The following MKLN1 variants were observed in gnomAD, a reference collection of about 807,000 sequenced individuals.
The protein encoded by MKLN1 is muskelin 1.
A neutral mutation model predicts 99.0 loss-of-function variants in MKLN1; 18 were observed. The ratio of observed to expected loss-of-function variants is 0.18; its 90% CI spans 0.13 to 0.27. The LOEUF (loss-of-function observed/expected upper bound fraction) is 0.27. Ranked by LOEUF, MKLN1 falls within the 10% of genes least tolerant of loss-of-function variation. MKLN1 has a pLI of 1.00. For missense variants in MKLN1, 621 were observed against 875.9 expected, an observed-to-expected ratio of 0.71 and a Z score of 3.67; for synonymous variants, 288 against 293.2, an observed-to-expected ratio of 0.98 and a Z score of 0.18.
At chr7:131,208,217 G>A (rs567492542) in intron 3 of MKLN1, among the ~76,000 whole-genome samples, 1 of 152,348 alleles carries the variant, frequency 6.6e-6, no homozygotes, top group African/African-American at 2.4e-5. Context: ...TAGGGTGGAA[G>A]ATGTTAATGT....
intron 3 of MKLN1, among the ~76,000 whole-genome samples, chr7:131,290,862 G>A (rs973493092): frequency 4.6e-5 from 7 of 152,080 alleles, no homozygotes; most frequent in African/African-American, 1.2e-4. Flanking sequence ...GTAGCACTGC[G>A]ATTTATCCAA....
chr7:131,300,815 T>A (rs1798367426), intron 3 of MKLN1, among the ~76,000 whole-genome samples: 1 of 152,198 alleles, frequency 6.6e-6, no homozygotes, highest in Admixed American at 6.5e-5. Context: ...CATAACTCTG[T>A]AGGTATTCAA....
intron 3 of MKLN1, among the ~76,000 whole-genome samples, chr7:131,208,683 C>T (rs1190863144): frequency 1.3e-5 from 2 of 152,116 alleles, no homozygotes; most frequent in Non-Finnish European, 1.5e-5. Flanking sequence ...AAATCTTTCC[C>T]TTCATTTATT....
intron 16 of MKLN1, among the ~76,000 whole-genome samples, chr7:131,476,309 GA>G (rs1796964540): frequency 6.6e-6 from 1 of 151,956 alleles, no homozygotes; most frequent in Non-Finnish European, 1.5e-5. Context: ...GTGTAATAAA[GA>G]AAAAGCAATA....
intron 1 of MKLN1, among the ~76,000 whole-genome samples, chr7:131,113,707 C>T (rs148580893): frequency 0.044 from 6,675 of 150,730 alleles, 245 homozygotes; most frequent in East Asian, 0.19. Flanking sequence ...CCTGGTGGCA[C>T]ACACCTGTAG....
At chr7:131,283,025 T>C (rs892797424) in intron 3 of MKLN1, among the ~76,000 whole-genome samples, 9 of 152,162 alleles carry the variant, frequency 5.9e-5, no homozygotes, top group African/African-American at 9.7e-5. Flanking sequence ...GGGAGGGGAA[T>C]TGGGCCTGTG....
At chr7:131,378,882 C>CT (rs912728269) in intron 2 of MKLN1, among the ~76,000 whole-genome samples, 5,044 of 128,732 alleles carry the variant, frequency 0.039, 212 homozygotes, top group African/African-American at 0.11. Flanking sequence ...AAAGCTGGGA[C>CT]TTTTTTTTTT....
chr7:131,438,985 G>A (rs1795751941), intron 10 of MKLN1, among the ~76,000 whole-genome samples: 1 of 152,094 alleles, frequency 6.6e-6, no homozygotes, highest in African/African-American at 2.4e-5. Context: ...AGAATGGTAA[G>A]GAGAGGAAGA....
At chr7:131,478,556 A>AAG in intron 16 of MKLN1, 67 bp from the exon 17 acceptor site, 5 of 1,402,858 alleles carry the variant, frequency 3.6e-6, no homozygotes, top group Non-Finnish European at 4.6e-6. Context: ...ATAGAAGGCT[A>AAG]TTTTCCTTCA....
intron 3 of MKLN1, among the ~76,000 whole-genome samples, chr7:131,297,216 C>G (rs929512841): frequency 2.0e-5 from 3 of 152,002 alleles, no homozygotes; most frequent in African/African-American, 7.2e-5. Flanking sequence ...AAAAAATTAG[C>G]CACGTGTGGT....
At chr7:131,423,706 G>A (rs1795271247) in intron 8 of MKLN1, among the ~76,000 whole-genome samples, 1 of 152,220 alleles carries the variant, frequency 6.6e-6, no homozygotes, top group Non-Finnish European at 1.5e-5. Flanking sequence ...CTTTTGAAGA[G>A]AGTGCCTAAA....
At chr7:131,303,424 G>T (rs1193371859) in intron 3 of MKLN1, among the ~76,000 whole-genome samples, 1 of 152,176 alleles carries the variant, frequency 6.6e-6, no homozygotes, top group East Asian at 1.9e-4. Context: ...AAAATAAAAG[G>T]GATATCCCCT....
chr7:131,205,094 T>A (rs1483412836), intron 3 of MKLN1, among the ~76,000 whole-genome samples: 2 of 129,608 alleles, frequency 1.5e-5, no homozygotes, highest in African/African-American at 6.9e-5. Context: ...CAAGACTCCG[T>A]CTCAAAAAAA....
In MKLN1 at chr7:131,249,822, G is replaced by C. The variant is rs543430046; in HGVS notation, c.-179+46848G>C. Among the ~76,000 whole-genome samples, 189 of 152,290 alleles carry C rather than the reference G, an allele frequency of 1.2e-3. 2 individuals carry two copies. The highest frequency in any genetic ancestry group is 3.8e-3 in the African/African-American group (160 of 41,570). On this transcript the variant is annotated intron_variant, in intron 3 of 7. Coordinates refer to the MKLN1 transcript ENST00000416992. ...TCAGAATATGCAGGGGAAGGGGCAG[G>C]AGATGCTGCTGGAGAGGGGAGCATG...
At chr7:131,461,646 A>G (rs1200586415) in intron 12 of MKLN1, among the ~76,000 whole-genome samples, 1 of 152,208 alleles carries the variant, frequency 6.6e-6, no homozygotes, top group East Asian at 1.9e-4. Flanking sequence ...TATGGCTGGC[A>G]TCTCCTGCAA....
chr7:131,302,132 C>T (rs1352214019), intron 3 of MKLN1, among the ~76,000 whole-genome samples: 1 of 152,218 alleles, frequency 6.6e-6, no homozygotes, highest in Non-Finnish European at 1.5e-5. Context: ...GGAGATAATA[C>T]TATTTCTATC....
upstream of MKLN1, among the ~76,000 whole-genome samples, chr7:131,326,386 C>G (rs1263944835): frequency 6.6e-6 from 1 of 152,204 alleles, no homozygotes; most frequent in East Asian, 1.9e-4. Flanking sequence ...ACTCTGTTGC[C>G]CAGGCTGGAG....
intron 1 of MKLN1, among the ~76,000 whole-genome samples, chr7:131,126,051 T>TAAATAAA (rs201498095): frequency 0.032 from 3,444 of 109,080 alleles, 111 homozygotes; most frequent in African/African-American, 0.079. Flanking sequence ...AATAAATAAA[T>TAAATAAA]TAATTAATTA....
At chr7:131,111,645 T>G (rs1040550040) in intron 1 of MKLN1, among the ~76,000 whole-genome samples, 4 of 151,966 alleles carry the variant, frequency 2.6e-5, no homozygotes, top group African/African-American at 9.7e-5. Context: ...ATCCTTGAAA[T>G]GTAAAGCCTA....
Sources: gnomAD v4.1 joint callset for allele counts (sites outside exome capture counted in the v4.1 genomes callset) on GRCh38, gnomAD v4.1.1 for gene constraint, MANE v1.5 for transcripts, NCBI Gene and HGNC (gene_info 2026-07-23, HGNC 2026-07-21) for gene names.